Variants in GAD2 observed in about 807,000 individuals in gnomAD.
The protein encoded by GAD2 is 65 kDa glutamic acid decarboxylase.
A neutral mutation model predicts 80.1 loss-of-function variants in GAD2; 22 were observed. The ratio of observed to expected loss-of-function variants is 0.27; its 90% CI spans 0.20 to 0.39. The LOEUF is 0.39. Ranked by LOEUF, GAD2 falls within the 10% of genes least tolerant of loss-of-function variation. The pLI is 1.00. For synonymous variants in GAD2, 274 were observed against 256.9 expected (o/e 1.07, Z -0.64); for missense variants, 624 against 738.4 (o/e 0.85, Z 1.80).
At chr10:26,218,841 G>GT (rs1030272463) in intron 3 of GAD2, among the ~76,000 whole-genome samples, 18 of 152,160 alleles carry the variant, frequency 1.2e-4, no homozygotes, top group African/African-American at 4.1e-4. Flanking sequence ...ATTTGGGGAA[G>GT]AGAAGAAATC....
intron 8 of GAD2, among the ~76,000 whole-genome samples, chr10:26,247,345 T>C (rs1050080507): frequency 2.0e-5 from 3 of 152,188 alleles, no homozygotes; most frequent in African/African-American, 7.2e-5. Flanking sequence ...TGGCAAGGTC[T>C]TTATGACCTG....
chr10:26,264,178 C>A (rs554072558), intron 8 of GAD2, among the ~76,000 whole-genome samples: 3 of 152,118 alleles, frequency 2.0e-5, no homozygotes, highest in African/African-American at 4.8e-5. Context: ...TCTTATGTAA[C>A]CCTCATACAA....
intron 12 of GAD2, 144 bp from the exon 13 acceptor site, chr10:26,286,201 T>G: frequency 1.4e-6 from 1 of 739,250 alleles, no homozygotes; most frequent in Non-Finnish European, 2.1e-6. Context: ...ATTGCCCCCA[T>G]TCTTTTTTTT....
chr10:26,287,446 A>G (rs1845346637), intron 13 of GAD2, among the ~76,000 whole-genome samples: 1 of 152,220 alleles, frequency 6.6e-6, no homozygotes, highest in Non-Finnish European at 1.5e-5. Context: ...GCCATAGTAA[A>G]CTCTATGCAC....
chr10:26,235,039 A>T (rs1844654315), intron 7 of GAD2, among the ~76,000 whole-genome samples: 2 of 152,008 alleles, frequency 1.3e-5, no homozygotes, highest in South Asian at 4.2e-4. Flanking sequence ...CACCTGGCTA[A>T]TTTTTTGTAT....
chr10:26,292,475 G>C lies in GAD2; in HGVS notation c.1397G>C (p.Gly466Ala). Reference protein sequence around the residue: ...WLMWRAKGTTGFEAHVDKCLE... With the variant: ...WLMWRAKGTTAFEAHVDKCLE... Reference sequence around the variant, plus strand: ...CCTTCTCTTACCTAGGGGACTACCGGGTTTGAAGCGCATGTTGATAAATGT... The same window carrying C: ...CCTTCTCTTACCTAGGGGACTACCGCGTTTGAAGCGCATGTTGATAAATGT... The change falls in exon 14 of 16, where the codon GGG becomes GCG. Residue 466 changes from glycine (G) to alanine (A), a missense_variant. Transcript: ENST00000376261. 6.2e-7 allele frequency: 1 copy of C among 1,613,730 alleles called. No homozygotes were observed. The highest frequency in any genetic ancestry group is 8.5e-7 in the Non-Finnish European group (1 of 1,179,726).
chr10:26,252,072 G>A (rs143737167), intron 8 of GAD2, among the ~76,000 whole-genome samples: 3 of 152,310 alleles, frequency 2.0e-5, no homozygotes, highest in Non-Finnish European at 4.4e-5. Flanking sequence ...GAGTCTTCAT[G>A]CTTGTTTCCC....
In GAD2 at chr10:26,216,807, C is replaced by A. The variant is rs1411712580; in HGVS notation, c.-3C>A. ...AGGCGACCTGCTCCAGTCTCCAAAG[C>A]CGATGGCATCTCCGGGCTCTGGCTT... On this transcript the variant is annotated 5_prime_UTR_variant, in exon 1 of 16. Coordinates refer to ENST00000376261, the MANE Select transcript of GAD2 (RefSeq NM_001134366.2). This position sits in a 1 kb window ranked among gnomAD's most constrained non-coding sequence, Gnocchi z 4.7. 2 of 1,611,956 alleles carry A rather than the reference C, an allele frequency of 1.2e-6. No homozygotes were observed. Among genetic ancestry groups the A allele is most frequent in the Middle Eastern group, 1.7e-4 (1 of 6,020 alleles).
intron 8 of GAD2, among the ~76,000 whole-genome samples, chr10:26,260,635 CA>C (rs1348548500): frequency 2.6e-5 from 4 of 151,676 alleles, no homozygotes; most frequent in Non-Finnish European, 4.4e-5. Flanking sequence ...CTCAAGAAAA[CA>C]AAAAAAACTT....
At chr10:26,218,632 A>G (rs777775435) in intron 3 of GAD2, among the ~76,000 whole-genome samples, 9 of 151,276 alleles carry the variant, frequency 5.9e-5, no homozygotes, top group Non-Finnish European at 1.2e-4. Context: ...CAGAGATCCT[A>G]ATGCACCTGT....
At chr10:26,222,421 A>T (rs1844464105) in intron 4 of GAD2, among the ~76,000 whole-genome samples, 1 of 152,180 alleles carries the variant, frequency 6.6e-6, no homozygotes, top group Non-Finnish European at 1.5e-5. Flanking sequence ...TTAGGGAAAG[A>T]GAAATGAAGG....
At chr10:26,264,036 G>A (rs1845039620) in intron 8 of GAD2, among the ~76,000 whole-genome samples, 1 of 152,274 alleles carries the variant, frequency 6.6e-6, no homozygotes, top group Non-Finnish European at 1.5e-5. Flanking sequence ...CATTCTGCAA[G>A]TCATATAATG....
chr10:26,246,113 C>T (rs1199345503), intron 8 of GAD2, 113 bp downstream of exon 8: 14 of 745,692 alleles, frequency 1.9e-5, no homozygotes, highest in Non-Finnish European at 2.9e-5. Context: ...CACCTCCCTC[C>T]CAGCCTCTGC....
chr10:26,276,961 G>C (rs138929615), intron 11 of GAD2, among the ~76,000 whole-genome samples: 3 of 152,188 alleles, frequency 2.0e-5, no homozygotes, highest in African/African-American at 7.2e-5. Flanking sequence ...CTATCTTCAA[G>C]GAGTTCAGAA....
intron 8 of GAD2, among the ~76,000 whole-genome samples, chr10:26,265,606 G>A (rs900566069): frequency 6.6e-6 from 1 of 152,162 alleles, no homozygotes; most frequent in Non-Finnish European, 1.5e-5. Flanking sequence ...TTTAGTAGCA[G>A]TCCCTTCCTA....
intron 7 of GAD2, among the ~76,000 whole-genome samples, chr10:26,242,071 C>T (rs1192982794): frequency 5.3e-5 from 8 of 152,128 alleles, no homozygotes; most frequent in Admixed American, 3.3e-4. Flanking sequence ...AGCCAAGCTC[C>T]GCCTCCCTGG....
intron 13 of GAD2, among the ~76,000 whole-genome samples, chr10:26,291,633 G>T (rs1472177320): frequency 1.3e-5 from 2 of 152,276 alleles, no homozygotes; most frequent in East Asian, 1.9e-4. Context: ...TGGTAGGCAG[G>T]TTCAAAGTGC....
chr10:26,279,023 C>T (rs1405426418), intron 11 of GAD2, among the ~76,000 whole-genome samples: 18 of 151,970 alleles, frequency 1.2e-4, no homozygotes, highest in Admixed American at 1.1e-3. Context: ...GCAGCTGCCA[C>T]GGGTTATTCT....
intron 8 of GAD2, among the ~76,000 whole-genome samples, chr10:26,253,208 G>A (rs1046309947): frequency 6.6e-6 from 1 of 152,042 alleles, no homozygotes; most frequent in African/African-American, 2.4e-5. Context: ...TAACTAAACA[G>A]GAATATTCTA....
Sources: gnomAD v4.1 joint callset for allele counts (sites outside exome capture counted in the v4.1 genomes callset) on GRCh38, gnomAD v4.1.1 for gene constraint, Gnocchi (gnomAD v3.1) non-coding constraint, MANE v1.5 for transcripts, NCBI Gene and HGNC (gene_info 2026-07-23, HGNC 2026-07-21) for gene names.